The following ATAD5 variants were observed in gnomAD, a reference collection of about 807,000 sequenced individuals.
ATAD5 encodes ATPase family AAA domain-containing protein 5.
A neutral mutation model predicts 176.9 loss-of-function variants in ATAD5; 58 were observed. That is an observed-to-expected ratio of 0.33 (90% CI 0.27 to 0.41). The LOEUF is 0.41. ATAD5 is among the 10% of genes least tolerant of loss of function. The pLI is 1.00. For synonymous variants in ATAD5, 640 were observed against 712.6 expected, an observed-to-expected ratio of 0.90 and a Z score of 1.62; for missense variants, 1,789 against 2,094.1, an observed-to-expected ratio of 0.85 and a Z score of 2.84.
intron 14 of ATAD5, among the ~76,000 whole-genome samples, chr17:30,871,810 CTGTT>C (rs1908352453): frequency 6.6e-6 from 1 of 152,052 alleles, no homozygotes; most frequent in Non-Finnish European, 1.5e-5. Flanking sequence ...GTATTCCTGA[CTGTT>C]CTTTTTTTTC....
intron 15 of ATAD5, among the ~76,000 whole-genome samples, chr17:30,876,756 G>A (rs1908709551): frequency 7.8e-6 from 1 of 128,350 alleles, no homozygotes; most frequent in African/African-American, 3.1e-5. Flanking sequence ...TCTATTGCCA[G>A]GCCAAGCTGG....
At chr17:30,872,608 T>G (rs1908403599) in intron 14 of ATAD5, among the ~76,000 whole-genome samples, 1 of 151,246 alleles carries the variant, frequency 6.6e-6, no homozygotes, top group Non-Finnish European at 1.5e-5. Flanking sequence ...TGGGCTAGAG[T>G]GCAGTGGTGC....
chr17:30,844,010 A>G lies in ATAD5; in HGVS notation c.2339A>G (p.Lys780Arg). ...TGTTTGAATGATGTGCTAGGAAAAA[A>G]ACTTAACACATCCACTAAAAATGTA... Reference protein sequence around the residue: ...LQCLNDVLGKKLNTSTKNVPG... With the variant: ...LQCLNDVLGKRLNTSTKNVPG... Residue 780 changes from lysine to arginine, a missense_variant, in exon 5 of 23, where the codon AAA (lysine) becomes AGA (arginine). Lys to Arg is a conservative substitution (Grantham distance 26, BLOSUM62 2). Around this residue, in one of 6 missense-constraint regions of ATAD5, gnomAD observed 487 missense variants for 573.6 expected, o/e 0.85. Coordinates refer to ENST00000321990, the MANE Select transcript of ATAD5 (RefSeq NM_024857.5). 6.4e-7 allele frequency: 1 copy of G among 1,555,008 alleles called. No homozygotes were observed. The highest frequency in any genetic ancestry group is 8.7e-7 in the Non-Finnish European group (1 of 1,154,520).
chr17:30,850,342 C>G (rs535539719), intron 6 of ATAD5, among the ~76,000 whole-genome samples: 1 of 151,206 alleles, frequency 6.6e-6, no homozygotes, highest in South Asian at 2.1e-4. Flanking sequence ...CTATTCTACT[C>G]TCTACTTCTA....
chr17:30,883,580 CTG>C (rs1306153271), intron 18 of ATAD5, among the ~76,000 whole-genome samples: 1 of 152,000 alleles, frequency 6.6e-6, no homozygotes. Context: ...GAGTCTCGCT[CTG>C]TTGCCCAGGC....
chr17:30,835,177 A>C lies in ATAD5; in HGVS notation c.1096A>C (p.Lys366Gln), dbSNP rs1157301727. Reference sequence around the variant, plus strand: ...TCCTGAGAATGAACAGACAGTTCAGAAAAGAAAATCTAATGTTGTTATACA... The same window carrying C: ...TCCTGAGAATGAACAGACAGTTCAGCAAAGAAAATCTAATGTTGTTATACA... The part of the protein sequence containing the change: ...SDPENEQTVQ[K>Q]RKSNVVIQEE... The change falls in exon 2 of 23, where the codon AAA becomes CAA. Residue 366 changes from lysine (K) to glutamine (Q), a missense_variant. Lys to Gln is a moderately conservative substitution (Grantham distance 53). Coordinates refer to ENST00000321990, the MANE Select transcript of ATAD5 (RefSeq NM_024857.5). 6.2e-7 allele frequency: 1 copy of C among 1,613,946 alleles called. No homozygotes were observed. Among genetic ancestry groups the C allele is most frequent in the African/African-American group, 1.3e-5 (1 of 74,936 alleles).
chr17:30,888,122 C>T (rs889408028), intron 19 of ATAD5, among the ~76,000 whole-genome samples: 3 of 151,640 alleles, frequency 2.0e-5, no homozygotes, highest in Non-Finnish European at 4.4e-5. Flanking sequence ...CGTGAGCCAC[C>T]GTACTTGGCC....
intron 11 of ATAD5, 126 bp from the exon 12 acceptor site, chr17:30,868,207 C>A: frequency 1.6e-6 from 1 of 641,678 alleles, no homozygotes; most frequent in Non-Finnish European, 2.4e-6. Flanking sequence ...AAGCCTTCAT[C>A]AGTTGAATGG....
intron 11 of ATAD5, among the ~76,000 whole-genome samples, chr17:30,866,009 T>C (rs1416272976): frequency 6.6e-6 from 1 of 151,950 alleles, no homozygotes; most frequent in Non-Finnish European, 1.5e-5. Flanking sequence ...TCCAGAAAAA[T>C]ATTTTTATGC....
In ATAD5 at chr17:30,832,029, T is replaced by G; in HGVS notation, c.-319T>G. 2.7e-6 allele frequency: 1 copy of G among 372,620 alleles called. No homozygotes were observed. Among genetic ancestry groups the G allele is most frequent in the Non-Finnish European group, 4.8e-6 (1 of 210,012 alleles). 23.1% of individuals were successfully genotyped at this position (372,620 alleles called of 1,614,324 possible). A position where few individuals can be genotyped will look rare whatever the true frequency, so the allele number is the denominator to read the frequency against. On this transcript the variant is annotated 5_prime_UTR_variant, in exon 1 of 23. Transcript: ENST00000321990. ...CCCTCCGAAGCTCTGTGGTCCGATC[T>G]GCGGTCCGCTTGCTTTCCCTGCCCG...
At chr17:30,891,204 C>T (rs1909624725) in intron 19 of ATAD5, among the ~76,000 whole-genome samples, 1 of 152,104 alleles carries the variant, frequency 6.6e-6, no homozygotes, top group South Asian at 2.1e-4. Context: ...CCAACTTATG[C>T]TCCCATGAAT....
chr17:30,877,588 T>G, intron 16 of ATAD5, 39 bp downstream of exon 16: 1 of 1,563,566 alleles, frequency 6.4e-7, no homozygotes, highest in Non-Finnish European at 8.7e-7. Flanking sequence ...GAGCTCATGA[T>G]AAAGACTTAC....
chr17:30,867,284 G>A (rs1024789722), intron 11 of ATAD5, among the ~76,000 whole-genome samples: 6 of 152,070 alleles, frequency 3.9e-5, no homozygotes, highest in Non-Finnish European at 7.4e-5. Context: ...CTTGGATTCT[G>A]AGCCACTCAG....
intron 12 of ATAD5, among the ~76,000 whole-genome samples, chr17:30,868,695 T>C (rs190499707): frequency 5.9e-5 from 9 of 151,594 alleles, no homozygotes; most frequent in African/African-American, 2.2e-4. Flanking sequence ...TTAGTAGAGA[T>C]GGGGTTTCAC....
intron 19 of ATAD5, among the ~76,000 whole-genome samples, chr17:30,888,133 CA>C (rs1320417345): frequency 1.3e-5 from 2 of 150,616 alleles, no homozygotes; most frequent in African/African-American, 4.9e-5. Context: ...GTACTTGGCC[CA>C]AAAAAAAATT....
chr17:30,865,881 G>A, intron 11 of ATAD5, 81 bp downstream of exon 11: 3 of 793,000 alleles, frequency 3.8e-6, no homozygotes, highest in Non-Finnish European at 5.7e-6. Flanking sequence ...TAGTTACAAA[G>A]TAATATATCT....
chr17:30,879,787 T>C (rs9913048), intron 18 of ATAD5, among the ~76,000 whole-genome samples: 20,061 of 151,822 alleles, frequency 0.13, 1,465 homozygotes, highest in South Asian at 0.24. Flanking sequence ...TGGTCTTGAT[T>C]TCCTGACCTT....
At chr17:30,894,394 A>G (rs1337027019) in intron 21 of ATAD5, among the ~76,000 whole-genome samples, 170 bp from the exon 22 acceptor site, 1 of 150,172 alleles carries the variant, frequency 6.7e-6, no homozygotes, top group Non-Finnish European at 1.5e-5. Flanking sequence ...GTCTTGCTGT[A>G]TAGTTATTGA....
intron 19 of ATAD5, among the ~76,000 whole-genome samples, chr17:30,889,886 CTTTTTTTTT>C (rs60266614): frequency 1.0e-5 from 1 of 95,718 alleles, no homozygotes; most frequent in African/African-American, 4.3e-5. Flanking sequence ...TCTTTTCTTT[CTTTTTTTTT>C]TTTTTTTTTT....
Sources: gnomAD v4.1 joint callset for allele counts (sites outside exome capture counted in the v4.1 genomes callset) on GRCh38, gnomAD v4.1.1 for gene constraint, gnomAD v4.1.1 regional missense constraint, MANE v1.5 for transcripts, NCBI Gene and HGNC (gene_info 2026-07-23, HGNC 2026-07-21) for gene names.